The following MCM3AP variants were observed in gnomAD, a reference collection of about 807,000 sequenced individuals.
The protein encoded by MCM3AP is minichromosome maintenance complex component 3 associated protein.
MCM3AP carries 126 observed loss-of-function variants against 184.1 expected under a neutral mutation model. The ratio of observed to expected loss-of-function variants is 0.68; its 90% CI spans 0.59 to 0.79. MCM3AP has a LOEUF of 0.79. Among genes scored for constraint, MCM3AP ranks in the 30% least tolerant of loss-of-function variants. MCM3AP has a pLI of 0.00. For synonymous variants in MCM3AP, 1,002 were observed against 979.3 expected, an observed-to-expected ratio of 1.02 and a Z score of -0.43; for missense variants, 2,496 against 2,479.2, an observed-to-expected ratio of 1.01 and a Z score of -0.14.
intron 23 of MCM3AP, 140 bp downstream of exon 23, chr21:46,244,667 G>A (rs1260975801): frequency 6.5e-6 from 6 of 917,660 alleles, no homozygotes; most frequent in Non-Finnish European, 9.9e-6. Flanking sequence ...GTGCAGGCGA[G>A]CACAGCATGG....
intron 25 of MCM3AP, 165 bp from the exon 26 acceptor site, chr21:46,241,182 C>A (rs187600010): frequency 1.5e-4 from 90 of 617,158 alleles, no homozygotes; most frequent in Non-Finnish European, 2.2e-4. Flanking sequence ...TGCCTGCTTC[C>A]AAGCTTCCAT....
In MCM3AP at chr21:46,246,631, C is replaced by A; in HGVS notation, c.4546G>T (p.Asp1516Tyr). 1 of 1,609,598 alleles carries A rather than the reference C, an allele frequency of 6.2e-7. No homozygotes were observed. ...AAACGAGACTTCCTTCACAAACCATCTTCTACTTCCTTCTCAACGGCGTCC... is the reference window on the plus strand; with the variant it reads ...AAACGAGACTTCCTTCACAAACCATATTCTACTTCCTTCTCAACGGCGTCC... ...GGDAVEKEVE[D>Y]GLMLQDLVSA... is the part of the protein sequence containing the mutation. The change falls in exon 21 of 28, where the codon GAT (aspartate) becomes TAT (tyrosine). Residue 1516 changes from aspartate (D) to tyrosine (Y), a missense_variant. Around this residue, in one of 5 missense-constraint regions of MCM3AP, gnomAD observed 1,323 missense variants for 1,273.4 expected, o/e 1.04. Transcript: ENST00000291688.
At chr21:46,246,270 A>G (rs2080766777) in intron 22 of MCM3AP, 37 bp downstream of exon 22, 2 of 1,335,880 alleles carry the variant, frequency 1.5e-6, no homozygotes, top group African/African-American at 1.4e-5. Context: ...AAAAAACAAA[A>G]TATCTTGACA....
At chr21:46,281,912 C>T (rs546608635) in intron 2 of MCM3AP, among the ~76,000 whole-genome samples, 45 of 152,108 alleles carry the variant, frequency 3.0e-4, no homozygotes, top group African/African-American at 8.9e-4. Flanking sequence ...GGAGGAGAAT[C>T]GCTTGAACTG....
intron 9 of MCM3AP, among the ~76,000 whole-genome samples, chr21:46,269,134 A>AT (rs949704313): frequency 7.9e-5 from 12 of 152,044 alleles, no homozygotes; most frequent in South Asian, 4.2e-4. Flanking sequence ...ATTTTTGTTT[A>AT]TTTTTTTTGA....
intron 23 of MCM3AP, 91 bp from the exon 24 acceptor site, chr21:46,243,813 G>A (rs1307203365): frequency 7.7e-7 from 1 of 1,304,280 alleles, no homozygotes; most frequent in Admixed American, 2.2e-5. Context: ...AGGCAACTGT[G>A]AAGTTGAGAA....
At position 46,241,013 on chromosome 21, in the gene MCM3AP, C is replaced by A; in HGVS notation, c.5431G>T (p.Ala1811Ser). 6.2e-7 allele frequency: 1 copy of A among 1,609,378 alleles called. No individual in the cohort carries two copies. The highest frequency in any genetic ancestry group is 8.5e-7 in the Non-Finnish European group (1 of 1,176,832). ...GCAGAAGGATGAAAAGGCTTTATTG[C>A]CAAACTGTAAGTACATGATTTGAAA... ...KELQLREGRLAIKPFHPSANN... is the reference protein window; with the variant it reads ...KELQLREGRLSIKPFHPSANN... Residue 1811 changes from alanine (A) to serine (S), a missense_variant, in exon 26 of 28, where the codon GCA becomes TCA. Ala to Ser is a moderately conservative substitution (Grantham distance 99). This residue lies in a region of MCM3AP where 1,323 missense variants were observed against 1,273.4 expected (regional missense o/e 1.04). Transcript: ENST00000291688.
chr21:46,284,444 C>T lies in MCM3AP; in HGVS notation c.843G>A (p.Val281=). Residue 281 remains valine (V), a synonymous_variant, in exon 1 of 28, where the codon GTG becomes GTA. Transcript: ENST00000291688. ...CTTTCATTAGGCTGGGAAGTGGTTC[C>T]ACCTGGGAAACAGCTTCTTCACACC... ...RQGCEEAVSQ[V]EPLPSLMKGL... The T allele has an allele frequency of 1.2e-6, 2 of 1,614,108 alleles. No individual in the cohort carries two copies. The highest frequency in any genetic ancestry group is 1.7e-6 in the Non-Finnish European group (2 of 1,180,028).
At chr21:46,264,259 C>G (rs1214687340) in intron 12 of MCM3AP, 42 bp from the exon 13 acceptor site, 1 of 1,315,990 alleles carries the variant, frequency 7.6e-7, no homozygotes, top group South Asian at 1.2e-5. Flanking sequence ...ACGTCCCACC[C>G]AGGGCAGAAA....
intron 16 of MCM3AP, among the ~76,000 whole-genome samples, chr21:46,258,111 G>A (rs964451219): frequency 1.4e-4 from 21 of 152,116 alleles, no homozygotes; most frequent in Admixed American, 1.3e-3. Flanking sequence ...CAGGGATCAT[G>A]AGCCCATCTG....
chr21:46,280,400 T>A, intron 3 of MCM3AP, 97 bp downstream of exon 3: 1 of 971,900 alleles, frequency 1.0e-6, no homozygotes, highest in East Asian at 2.6e-5. Context: ...ATGCCTGTAA[T>A]CCCAAGATCA....
rs763277335 is a variant in MCM3AP, at chr21:46,259,030, G to A, written c.3643C>T (p.His1215Tyr). The A allele has an allele frequency of 1.3e-5, 21 of 1,613,948 alleles. No homozygotes were observed. The highest frequency in any genetic ancestry group is 1.7e-5 in the Non-Finnish European group (20 of 1,179,988). Reference protein sequence around the residue: ...VARCCEDVCAHLVDLFLVEEI... With the variant: ...VARCCEDVCAYLVDLFLVEEI... ...TCCACGAGAAACAAGTCCACTAAGT[G>A]GGCACAGACATCCTCACAGCAACGG... The change falls in exon 16 of 28, where the codon CAC becomes TAC. Residue 1215 changes from histidine (H) to tyrosine (Y), a missense_variant. His to Tyr is a moderately conservative substitution (Grantham distance 83, BLOSUM62 2). Around this residue, in one of 5 missense-constraint regions of MCM3AP, gnomAD observed 1,323 missense variants for 1,273.4 expected, o/e 1.04. Coordinates refer to ENST00000291688, the MANE Select transcript of MCM3AP (RefSeq NM_003906.5).
chr21:46,269,797 G>A lies in MCM3AP; in HGVS notation c.2628+604C>T, dbSNP rs186179949. On this transcript the variant is annotated intron_variant, in intron 9 of 27. Coordinates refer to ENST00000291688, the MANE Select transcript of MCM3AP (RefSeq NM_003906.5). ...CGGTCCTGGTCACATTGCACTGAACGGAATCATGCAGGGCCTAGAACAGCA... is the reference window on the plus strand; with the variant it reads ...CGGTCCTGGTCACATTGCACTGAACAGAATCATGCAGGGCCTAGAACAGCA... Among the ~76,000 whole-genome samples the A allele has an allele frequency of 2.1e-3, 325 of 152,346 alleles. 1 individual carries two copies. Among genetic ancestry groups the A allele is most frequent in the African/African-American group, 7.3e-3 (304 of 41,576 alleles).
In MCM3AP at chr21:46,260,688, G is replaced by A. The variant is rs1289529954; in HGVS notation, c.3581+105C>T. The A allele has an allele frequency of 7.8e-6, 6 of 770,198 alleles. No homozygotes were observed. In the Admixed American group the frequency reaches 1.3e-4, roughly 17 times the overall value. 47.7% of individuals were successfully genotyped at this position (770,198 alleles called of 1,614,324 possible). ...CACAAAATCAAAGTAGCTTAGACAG[G>A]CAAGATCCATTTCCAATAGCCCATC... On this transcript the variant is annotated intron_variant, in intron 15 of 27. Coordinates refer to ENST00000291688, the MANE Select transcript of MCM3AP (RefSeq NM_003906.5).
At position 46,235,243 on chromosome 21, in the gene MCM3AP, A is replaced by AC; in HGVS notation, c.*24dup. On this transcript the variant is annotated 3_prime_UTR_variant, in exon 28 of 28. Transcript: ENST00000291688. The stretch of plus-strand genomic sequence containing the variant: ...TAAAAACAGAAACTCTTCGGGAGAG[A>AC]CCCCCTCCCCACAGGTCAGGCTGCT... The AC allele has an allele frequency of 1.2e-6, 2 of 1,611,034 alleles. No individual in the cohort carries two copies. The highest frequency in any genetic ancestry group is 1.7e-6 in the Non-Finnish European group (2 of 1,177,688).
chr21:46,267,496 GGAGACCATGGAA>G (rs2081128081), intron 9 of MCM3AP: 1 of 201,230 alleles, frequency 5.0e-6, no homozygotes, highest in African/African-American at 2.3e-5. Flanking sequence ...AGAGGACCCC[GGAGACCATGGAA>G]TGCCAGCAGG....
chr21:46,271,164 AT>A lies in MCM3AP; in HGVS notation c.2466-602del, dbSNP rs889506309. On this transcript the variant is annotated intron_variant, in intron 8 of 27. Coordinates refer to ENST00000291688, the MANE Select transcript of MCM3AP (RefSeq NM_003906.5). Reference sequence around the variant, plus strand: ...ACAGCAATCTTTCATAACCAGTTTAATTTTTTTTTTTTTTGAGACAGAGTAC... The same window carrying A: ...ACAGCAATCTTTCATAACCAGTTTAATTTTTTTTTTTTTGAGACAGAGTAC... 1.3e-3 allele frequency among the ~76,000 whole-genome samples: 185 copies of A among 145,346 alleles called. 1 individual carries two copies. Among genetic ancestry groups the A allele is most frequent in the Middle Eastern group, 3.4e-3 (1 of 290 alleles).
intron 22 of MCM3AP, among the ~76,000 whole-genome samples, chr21:46,245,876 A>G (rs16979009): frequency 0.06 from 9,144 of 152,302 alleles, 696 homozygotes; most frequent in African/African-American, 0.17. Flanking sequence ...CCCTAGAAAA[A>G]TAACTTCTGT....
intron 13 of MCM3AP, among the ~76,000 whole-genome samples, chr21:46,262,206 G>GA (rs2081049939): frequency 6.6e-6 from 1 of 152,134 alleles, no homozygotes; most frequent in Non-Finnish European, 1.5e-5. Flanking sequence ...AGGTTTCACT[G>GA]GTAAATTCTA....
Sources: allele counts gnomAD v4.1 joint callset (sites outside exome capture counted in the v4.1 genomes callset), GRCh38; gene constraint gnomAD v4.1.1; regional missense constraint gnomAD v4.1.1; transcripts MANE v1.5; gene names NCBI Gene and HGNC (gene_info 2026-07-23, HGNC 2026-07-21).